The following SLC4A10 variants were observed in gnomAD, a reference collection of about 807,000 sequenced individuals.
SLC4A10 encodes sodium-driven chloride bicarbonate exchanger.
A neutral mutation model predicts 137.7 loss-of-function variants in SLC4A10; 42 were observed. The ratio of observed to expected loss-of-function variants is 0.30; its 90% CI spans 0.24 to 0.39. The LOEUF is 0.39. Among genes scored for constraint, SLC4A10 ranks in the 10% least tolerant of loss-of-function variants. The pLI is 1.00. For missense variants in SLC4A10, 925 were observed against 1,355.0 expected, an observed-to-expected ratio of 0.68 and a Z score of 4.98; for synonymous variants, 474 against 464.1, an observed-to-expected ratio of 1.02 and a Z score of -0.27.
chr2:161,880,743 T>A (rs1287416510), intron 9 of SLC4A10, among the ~76,000 whole-genome samples: 2 of 152,072 alleles, frequency 1.3e-5, no homozygotes, highest in Non-Finnish European at 2.9e-5. Flanking sequence ...AATGGTAGAG[T>A]TACTATTATA....
At chr2:161,942,719 C>T (rs548599578) in intron 15 of SLC4A10, 73 bp from the exon 16 acceptor site, 6 of 1,102,254 alleles carry the variant, frequency 5.4e-6, no homozygotes, top group African/African-American at 1.6e-5. Context: ...AAAATGGAGC[C>T]GTTATACATT....
chr2:161,894,816 T>A lies in SLC4A10; in HGVS notation c.1332T>A (p.Val444=). 7.3e-7 allele frequency: 1 copy of A among 1,371,456 alleles called. No individual in the cohort carries two copies. The highest frequency in any genetic ancestry group is 2.8e-5 in the East Asian group (1 of 36,046). The allele number at this position is 1,371,456 out of a possible 1,614,324, so 85.0% of individuals were successfully genotyped here. A position where few individuals can be genotyped will look rare whatever the true frequency, so the allele number is the denominator to read the frequency against. Residue 444 remains valine, a synonymous_variant, in exon 11 of 27, where the codon GTT becomes GTA. Coordinates refer to ENST00000446997, the MANE Select transcript of SLC4A10 (RefSeq NM_001178015.2). ...PSIRIEPPKN[V]PSQEKRKIPA... is the part of the protein sequence containing the mutation. ...TTCGAATAGAGCCTCCCAAAAATGTTCCTTCCCAGGTATGTATATTTGAAG... is the reference window on the plus strand; with the variant it reads ...TTCGAATAGAGCCTCCCAAAAATGTACCTTCCCAGGTATGTATATTTGAAG...
At chr2:161,709,281 C>T (rs1350905838) in intron 1 of SLC4A10, among the ~76,000 whole-genome samples, 1 of 151,596 alleles carries the variant, frequency 6.6e-6, no homozygotes, top group Non-Finnish European at 1.5e-5. Context: ...TTTGGAATTT[C>T]TTAACCATAG....
chr2:161,923,257 A>G (rs561341241), intron 15 of SLC4A10, among the ~76,000 whole-genome samples: 27 of 152,322 alleles, frequency 1.8e-4, no homozygotes, highest in African/African-American at 6.5e-4. Context: ...ATTTTATAAA[A>G]AGTGTATTTT....
chr2:161,755,771 A>AT (rs368478470), intron 1 of SLC4A10, among the ~76,000 whole-genome samples: 5,870 of 140,356 alleles, frequency 0.042, 350 homozygotes, highest in African/African-American at 0.13. Flanking sequence ...CGTTCCTTAA[A>AT]TTTTTTTTTT....
chr2:161,679,203 C>A (rs1419114122), intron 1 of SLC4A10, among the ~76,000 whole-genome samples: 1 of 152,058 alleles, frequency 6.6e-6, no homozygotes, highest in African/African-American at 2.4e-5. Context: ...GACTCTTGTA[C>A]TCTAGGTTGT....
chr2:161,929,866 A>G (rs1690000910), intron 15 of SLC4A10, among the ~76,000 whole-genome samples: 1 of 152,224 alleles, frequency 6.6e-6, no homozygotes. Context: ...AAAAAATCAG[A>G]GTATCCATTC....
chr2:161,666,985 C>T (rs528917389), intron 1 of SLC4A10, among the ~76,000 whole-genome samples: 8 of 151,488 alleles, frequency 5.3e-5, no homozygotes, highest in East Asian at 1.9e-4. Flanking sequence ...ACATTTCTAA[C>T]GTTAAAAAAT....
chr2:161,974,228 A>G (rs777981739), intron 23 of SLC4A10, 21 bp from the exon 24 acceptor site: 1 of 1,582,806 alleles, frequency 6.3e-7, no homozygotes, highest in Non-Finnish European at 8.6e-7. Context: ...CACTTTATAT[A>G]CTTTACATTT....
At chr2:161,753,415 G>A (rs1278241871) in intron 1 of SLC4A10, among the ~76,000 whole-genome samples, 1 of 152,070 alleles carries the variant, frequency 6.6e-6, no homozygotes, top group Non-Finnish European at 1.5e-5. Context: ...CAATTTTTCT[G>A]AAGATTTAAA....
intron 19 of SLC4A10, among the ~76,000 whole-genome samples, chr2:161,955,960 TTTA>T (rs143713139): frequency 0.015 from 2,267 of 152,298 alleles, 61 homozygotes; most frequent in African/African-American, 0.052. Context: ...ATTTGTAACT[TTTA>T]TTGATTGCTT....
rs1211843733 is a variant in SLC4A10 at position 161,772,608 on chromosome 2, G to T, written c.130+1554G>T. Among the ~76,000 whole-genome samples the T allele has an allele frequency of 9.2e-5, 14 of 151,856 alleles. No homozygotes were observed. In the Admixed American group the frequency reaches 9.2e-4, roughly 10 times the overall value. On this transcript the variant is annotated intron_variant, in intron 2 of 26. Coordinates refer to ENST00000446997, the MANE Select transcript of SLC4A10 (RefSeq NM_001178015.2). Reference sequence around the variant, plus strand: ...TGGTAGAGCACAACTGGATTAGCCAGATTTTGTTCTATTTACTGATTTCAA... The same window carrying T: ...TGGTAGAGCACAACTGGATTAGCCATATTTTGTTCTATTTACTGATTTCAA...
chr2:161,914,165 A>T lies in SLC4A10; in HGVS notation c.1997+8278A>T, dbSNP rs186430831. On this transcript the variant is annotated intron_variant, in intron 15 of 26. Transcript: ENST00000446997. ...CAGCTCAGCACATTTTTCTACTTAT[A>T]TGTGCAATCTTGATAATACAAGGTG... Among the ~76,000 whole-genome samples, 8 of 152,296 alleles carry T rather than the reference A, an allele frequency of 5.3e-5. No homozygotes were observed. In the East Asian group the frequency reaches 1.3e-3, roughly 26 times the overall value.
In SLC4A10 at chr2:161,651,930, G is replaced by A. The variant is rs563336563; in HGVS notation, c.48+27364G>A. Among the ~76,000 whole-genome samples the A allele has an allele frequency of 1.3e-3, 195 of 152,314 alleles. 1 individual carries two copies. Among genetic ancestry groups the A allele is most frequent in the Non-Finnish European group, 8.2e-4 (56 of 68,026 alleles). ...CCTGAGCAATACTCAGGCAGAAGGC[G>A]CCGCTGGCCACAGAGGCTTCTGGCT... On this transcript the variant is annotated intron_variant, in intron 1 of 26. Transcript: ENST00000446997.
At chr2:161,974,186 T>C in intron 23 of SLC4A10, 63 bp from the exon 24 acceptor site, 1 of 1,338,128 alleles carries the variant, frequency 7.5e-7, no homozygotes, top group South Asian at 1.4e-5. Flanking sequence ...TCTGTGTTTC[T>C]TCTTTAATGT....
At chr2:161,684,501 A>C (rs575202683) in intron 1 of SLC4A10, among the ~76,000 whole-genome samples, 1 of 152,320 alleles carries the variant, frequency 6.6e-6, no homozygotes, top group East Asian at 1.9e-4. Context: ...TATTGGGAGA[A>C]GAGCTTGAGC....
intron 6 of SLC4A10, among the ~76,000 whole-genome samples, chr2:161,870,347 A>C (rs1181095684): frequency 2.0e-5 from 3 of 151,736 alleles, no homozygotes; most frequent in Non-Finnish European, 3.0e-5. Flanking sequence ...TAATCTCTTC[A>C]AAGTTAATGA....
intron 1 of SLC4A10, among the ~76,000 whole-genome samples, chr2:161,734,603 A>G (rs1265759146): frequency 1.3e-5 from 2 of 152,158 alleles, no homozygotes; most frequent in Non-Finnish European, 2.9e-5. Context: ...ATCTAGTTTT[A>G]TCTATTTTTT....
chr2:161,964,918 A>G, intron 22 of SLC4A10, 133 bp from the exon 23 acceptor site: 4 of 640,832 alleles, frequency 6.2e-6, no homozygotes, highest in East Asian at 3.3e-5. Flanking sequence ...AATGTTTTAT[A>G]CATATATATC....
Sources: allele counts gnomAD v4.1 joint callset (sites outside exome capture counted in the v4.1 genomes callset), GRCh38; gene constraint gnomAD v4.1.1; transcripts MANE v1.5; gene names NCBI Gene and HGNC (gene_info 2026-07-23, HGNC 2026-07-21).